Variants in CDK19 observed in about 807,000 individuals in gnomAD.
The protein encoded by CDK19 is cyclin-dependent kinase 19.
CDK19 carries 20 observed loss-of-function variants against 68.3 expected under a neutral mutation model. The ratio of observed to expected loss-of-function variants is 0.29; its 90% CI spans 0.21 to 0.43. The LOEUF (loss-of-function observed/expected upper bound fraction) is 0.43, where lower values mean the gene tolerates loss of function less well. CDK19 is among the 20% of genes least tolerant of loss of function. The pLI is 1.00. For missense variants in CDK19, 339 were observed against 623.5 expected, an observed-to-expected ratio of 0.54 and a Z score of 4.86; for synonymous variants, 221 against 222.8, an observed-to-expected ratio of 0.99 and a Z score of 0.07.
intron 4 of CDK19, among the ~76,000 whole-genome samples, chr6:110,651,722 G>A (rs1386010770): frequency 6.6e-6 from 1 of 152,102 alleles, no homozygotes; most frequent in Non-Finnish European, 1.5e-5. Context: ...AATATGTTTG[G>A]AGCATTCCCT....
Position 110,632,013 on chromosome 6 carries a change from A to G in CDK19, c.646+17T>C, listed in dbSNP as rs55647428. 2,469 of 1,593,462 alleles carry G rather than the reference A, an allele frequency of 1.5e-3. 10 individuals carry two copies. Among genetic ancestry groups the G allele is most frequent in the Middle Eastern group, 6.3e-3 (38 of 6,026 alleles). ...TCGTTAGATGACAAGATAGTAAATCATTTTAGACCAACTTACCAATGGCCT... is the reference window on the plus strand; with the variant it reads ...TCGTTAGATGACAAGATAGTAAATCGTTTTAGACCAACTTACCAATGGCCT... On this transcript the variant is annotated intron_variant, in intron 6 of 12. Transcript: ENST00000368911.
At chr6:110,697,265 A>T (rs969517328) in intron 2 of CDK19, among the ~76,000 whole-genome samples, 8 of 151,720 alleles carry the variant, frequency 5.3e-5, no homozygotes, top group Admixed American at 1.3e-4. Flanking sequence ...AAATAAAAAT[A>T]AAAAAATAAA....
intron 1 of CDK19, among the ~76,000 whole-genome samples, chr6:110,807,886 T>C (rs117221482): frequency 0.02 from 2,999 of 151,866 alleles, 44 homozygotes; most frequent in Non-Finnish European, 0.033. Context: ...TAGCTCACTA[T>C]AGCCTCAAAC....
At chr6:110,735,123 T>A (rs892726487) in intron 2 of CDK19, among the ~76,000 whole-genome samples, 8 of 150,220 alleles carry the variant, frequency 5.3e-5, no homozygotes, top group Non-Finnish European at 1.0e-4. Context: ...TTTTTTTTTT[T>A]ATTTAATGAG....
chr6:110,705,897 G>A (rs138703774), intron 2 of CDK19, among the ~76,000 whole-genome samples: 1 of 152,060 alleles, frequency 6.6e-6, no homozygotes, highest in African/African-American at 2.4e-5. Flanking sequence ...ACCAGATGTA[G>A]ATGATGGGTT....
At chr6:110,798,700 C>G (rs1782128888) in intron 1 of CDK19, among the ~76,000 whole-genome samples, 1 of 144,912 alleles carries the variant, frequency 6.9e-6, no homozygotes, top group African/African-American at 2.5e-5. Context: ...AGACATGAAG[C>G]AATAGTTTTG....
chr6:110,696,848 C>T (rs758748322), intron 2 of CDK19, among the ~76,000 whole-genome samples: 14 of 151,994 alleles, frequency 9.2e-5, no homozygotes, highest in Non-Finnish European at 1.6e-4. Context: ...CACTTGAGGC[C>T]GGGAGTTTGA....
At chr6:110,673,419 T>C (rs1771184868) in intron 2 of CDK19, among the ~76,000 whole-genome samples, 1 of 152,168 alleles carries the variant, frequency 6.6e-6, no homozygotes, top group Non-Finnish European at 1.5e-5. Flanking sequence ...GGTGTATAAA[T>C]AACTATTTGA....
intron 1 of CDK19, among the ~76,000 whole-genome samples, chr6:110,763,213 A>G (rs1419068103): frequency 2.0e-5 from 3 of 152,192 alleles, no homozygotes; most frequent in Admixed American, 1.3e-4. Context: ...CTTTCTCATA[A>G]AAGTTAAGGC....
At chr6:110,645,943 C>T (rs1310724623) in intron 4 of CDK19, 3 of 1,123,084 alleles carry the variant, frequency 2.7e-6, no homozygotes, top group African/African-American at 3.1e-5. Flanking sequence ...AGCCTGCGAG[C>T]CACCGACCGC....
chr6:110,714,492 T>C (rs1382400695), intron 2 of CDK19, among the ~76,000 whole-genome samples: 1 of 152,202 alleles, frequency 6.6e-6, no homozygotes, highest in East Asian at 1.9e-4. Context: ...TTTTCTATAG[T>C]GGCTGTACCA....
At chr6:110,800,101 G>A (rs144949861) in intron 1 of CDK19, among the ~76,000 whole-genome samples, 2 of 152,050 alleles carry the variant, frequency 1.3e-5, no homozygotes, top group Non-Finnish European at 2.9e-5. Flanking sequence ...ATCAACCCAC[G>A]GACAAAAGAG....
At chr6:110,739,689 G>C (rs1354156956) in intron 2 of CDK19, among the ~76,000 whole-genome samples, 2 of 150,830 alleles carry the variant, frequency 1.3e-5, no homozygotes, top group African/African-American at 4.9e-5. Flanking sequence ...GGAGTGTAGT[G>C]GTGCAATCGT....
chr6:110,759,422 A>T (rs1490606704), intron 1 of CDK19, among the ~76,000 whole-genome samples: 1,282 of 111,720 alleles, frequency 0.011, 19 homozygotes, highest in African/African-American at 0.05. Flanking sequence ...AAAAAAAAAA[A>T]AAAAAAATAT....
chr6:110,766,186 A>G (rs895221616), intron 1 of CDK19, among the ~76,000 whole-genome samples: 1 of 152,228 alleles, frequency 6.6e-6, no homozygotes, highest in Non-Finnish European at 1.5e-5. Context: ...ACTGAAGATA[A>G]GGTATCAACC....
chr6:110,630,105 A>C (rs1002964413), intron 6 of CDK19, among the ~76,000 whole-genome samples: 1 of 152,214 alleles, frequency 6.6e-6, no homozygotes, highest in Non-Finnish European at 1.5e-5. Context: ...TGGGTCCCGC[A>C]CAACAGAATC....
chr6:110,799,450 A>C (rs1027541958), intron 1 of CDK19, among the ~76,000 whole-genome samples: 2 of 152,188 alleles, frequency 1.3e-5, no homozygotes, highest in African/African-American at 4.8e-5. Flanking sequence ...CTGATATAAA[A>C]TGGCACAGTA....
chr6:110,804,902 G>A (rs961738828), intron 1 of CDK19, among the ~76,000 whole-genome samples: 3 of 151,480 alleles, frequency 2.0e-5, no homozygotes, highest in African/African-American at 7.3e-5. Flanking sequence ...CTTGCAGTGA[G>A]CCGAGATCGC....
At chr6:110,617,713 C>G (rs1282980900) in intron 12 of CDK19, among the ~76,000 whole-genome samples, 1 of 117,574 alleles carries the variant, frequency 8.5e-6, no homozygotes, top group Admixed American at 8.3e-5. Context: ...ACAAATTAGC[C>G]GGGAGTGGTG....
Sources: allele counts gnomAD v4.1 joint callset (sites outside exome capture counted in the v4.1 genomes callset), GRCh38; gene constraint gnomAD v4.1.1; transcripts MANE v1.5; gene names NCBI Gene and HGNC (gene_info 2026-07-23, HGNC 2026-07-21).